The following ZFHX3 variants were observed in gnomAD, a reference collection of about 807,000 sequenced individuals.
ZFHX3 encodes zinc finger homeobox protein 3.
ZFHX3 carries 42 observed loss-of-function variants against 279.1 expected under a neutral mutation model. The observed-to-expected ratio is 0.15, with a 90% confidence interval of 0.12 to 0.19. The LOEUF is 0.19. Ranked by LOEUF, ZFHX3 falls within the 10% of genes least tolerant of loss-of-function variation. The probability of loss-of-function intolerance (pLI) is 1.00; values close to 1 mark genes in which losing one functional copy is unlikely to be tolerated. For synonymous variants in ZFHX3, 2,293 were observed against 1,957.8 expected, an observed-to-expected ratio of 1.17 and a Z score of -4.52; for missense variants, 4,981 against 4,754.0, an observed-to-expected ratio of 1.05 and a Z score of -1.40.
intron 2 of ZFHX3, among the ~76,000 whole-genome samples, chr16:73,591,739 G>A (rs1412560328): frequency 3.3e-5 from 5 of 149,456 alleles, no homozygotes; most frequent in Admixed American, 1.3e-4. Context: ...GAAAACGGAG[G>A]GATGGGGAAT....
At chr16:73,518,438 C>T (rs2019559172) in intron 2 of ZFHX3, among the ~76,000 whole-genome samples, 1 of 152,140 alleles carries the variant, frequency 6.6e-6, no homozygotes, top group Non-Finnish European at 1.5e-5. Flanking sequence ...GGGAAGTCAC[C>T]TTATCCACAG....
chr16:73,835,217 G>C (rs1961105905), intron 1 of ZFHX3, among the ~76,000 whole-genome samples: 1 of 152,160 alleles, frequency 6.6e-6, no homozygotes, highest in Non-Finnish European at 1.5e-5. Context: ...AATTTAGCTA[G>C]AAGTTCCTCT....
intron 1 of ZFHX3, among the ~76,000 whole-genome samples, chr16:72,990,396 C>T (rs968870065): frequency 1.3e-5 from 2 of 152,170 alleles, no homozygotes; most frequent in African/African-American, 2.4e-5. Flanking sequence ...TCTCACACAT[C>T]GTGCCCCTGC....
At position 72,793,421 on chromosome 16, in the gene ZFHX3, G is replaced by A; in HGVS notation, c.9261C>T (p.Ala3087=). Residue 3087 remains alanine (A), a synonymous_variant, in exon 9 of 10, where the codon GCC becomes GCT. Transcript: ENST00000268489. The surrounding 1 kb of genome is among the most constrained non-coding windows in gnomAD (Gnocchi z 4.3). Reference sequence around the variant, plus strand: ...GAGCTGCCAGTCCAAGGACCTCGTTGGCCTTTTTAATCCGGTCCAACTCTT... The same window carrying A: ...GAGCTGCCAGTCCAAGGACCTCGTTAGCCTTTTTAATCCGGTCCAACTCTT... ...AQQELDRIKK[A]NEVLGLAAQQ... is the part of the protein sequence containing the mutation. The A allele has an allele frequency of 6.2e-7, 1 of 1,614,188 alleles. No individual in the cohort carries two copies. The highest frequency in any genetic ancestry group is 8.5e-7 in the Non-Finnish European group (1 of 1,180,052).
intron 3 of ZFHX3, among the ~76,000 whole-genome samples, chr16:72,906,630 C>G (rs1268510872): frequency 6.6e-6 from 1 of 152,024 alleles, no homozygotes; most frequent in African/African-American, 2.4e-5. Context: ...AACCCTGTTT[C>G]TACAAAAAAG....
At chr16:73,465,197 C>T (rs1159975000) in intron 2 of ZFHX3, among the ~76,000 whole-genome samples, 2 of 152,218 alleles carry the variant, frequency 1.3e-5, no homozygotes, top group Non-Finnish European at 2.9e-5. Flanking sequence ...TAGTTATTAT[C>T]CCTCACTCCA....
intron 4 of ZFHX3, among the ~76,000 whole-genome samples, chr16:73,280,106 C>G (rs189866464): frequency 1.3e-5 from 2 of 152,124 alleles, no homozygotes; most frequent in Non-Finnish European, 2.9e-5. Context: ...GGACACCATA[C>G]TAAAAAAATC....
intron 3 of ZFHX3, among the ~76,000 whole-genome samples, chr16:72,918,765 G>A (rs979010029): frequency 1.3e-4 from 19 of 149,996 alleles, no homozygotes; most frequent in Non-Finnish European, 2.1e-4. Context: ...GTGAAATCTC[G>A]GCTCACTGCA....
intron 2 of ZFHX3, among the ~76,000 whole-genome samples, chr16:73,644,269 C>G (rs897009840): frequency 5.3e-5 from 8 of 152,132 alleles, no homozygotes; most frequent in Admixed American, 4.6e-4. Flanking sequence ...GCATAGTTCC[C>G]TGCACATCTC....
chr16:72,809,940 C>T (rs907247099), intron 7 of ZFHX3: 4 of 146,492 alleles, frequency 2.7e-5, no homozygotes, highest in Non-Finnish European at 4.5e-5. Context: ...AGTGCAGTGG[C>T]GCATCTCTGC....
At chr16:73,509,526 T>C (rs895905221) in intron 2 of ZFHX3, among the ~76,000 whole-genome samples, 3 of 80,822 alleles carry the variant, frequency 3.7e-5, no homozygotes, top group African/African-American at 6.9e-5. Flanking sequence ...CTCTCCTTTT[T>C]TTTTTTTTTT....
intron 1 of ZFHX3, among the ~76,000 whole-genome samples, chr16:73,875,751 T>C (rs11647652): frequency 0.37 from 56,997 of 152,130 alleles, 13,417 homozygotes; most frequent in Non-Finnish European, 0.53. Flanking sequence ...ACCGGATTGC[T>C]TATTTTACAC....
intron 5 of ZFHX3, among the ~76,000 whole-genome samples, chr16:73,155,291 A>C (rs188149277): frequency 1.1e-3 from 164 of 152,184 alleles, no homozygotes; most frequent in Non-Finnish European, 2.0e-3. Flanking sequence ...GCACATGCTT[A>C]AAGGTAAATA....
At chr16:73,189,088 T>G (rs1967975968) in intron 5 of ZFHX3, among the ~76,000 whole-genome samples, 1 of 152,160 alleles carries the variant, frequency 6.6e-6, no homozygotes. Flanking sequence ...GGTCTCGATC[T>G]CTTGACCTTG....
intron 6 of ZFHX3, chr16:73,137,317 G>C (rs969442690): frequency 6.6e-6 from 1 of 152,152 alleles, no homozygotes; most frequent in African/African-American, 2.4e-5. Flanking sequence ...TTACATCAAG[G>C]CTCAGGGACT....
intron 1 of ZFHX3, among the ~76,000 whole-genome samples, chr16:73,884,178 G>A (rs927802929): frequency 4.6e-5 from 7 of 152,084 alleles, no homozygotes; most frequent in South Asian, 2.1e-4. Context: ...TTTTCTCATT[G>A]TGTATCAGGC....
intron 5 of ZFHX3, among the ~76,000 whole-genome samples, chr16:73,245,796 A>T (rs978849456): frequency 2.6e-5 from 4 of 152,186 alleles, no homozygotes; most frequent in African/African-American, 9.7e-5. Flanking sequence ...GCCACACCTC[A>T]ACTACTTTAA....
At chr16:73,770,229 T>G (rs558817433) in intron 1 of ZFHX3, among the ~76,000 whole-genome samples, 2 of 152,202 alleles carry the variant, frequency 1.3e-5, no homozygotes, top group African/African-American at 4.8e-5. Flanking sequence ...GTCAGAGTGA[T>G]GTAATGTTAG....
chr16:73,511,997 C>A (rs180852716), intron 2 of ZFHX3, among the ~76,000 whole-genome samples: 1 of 152,236 alleles, frequency 6.6e-6, no homozygotes, highest in South Asian at 2.1e-4. Flanking sequence ...ATCCCACAAC[C>A]TTTCACTGCC....
Sources: allele counts gnomAD v4.1 joint callset (sites outside exome capture counted in the v4.1 genomes callset), GRCh38; gene constraint gnomAD v4.1.1; non-coding constraint Gnocchi (gnomAD v3.1); transcripts MANE v1.5; gene names NCBI Gene and HGNC (gene_info 2026-07-23, HGNC 2026-07-21).